Variants in ZFAND3 observed in about 807,000 individuals in gnomAD.
The protein encoded by ZFAND3 is zinc finger AN1-type containing 3.
Under a neutral mutation model 29.6 loss-of-function variants are expected in ZFAND3, and 10 were observed. The ratio of observed to expected loss-of-function variants is 0.34; its 90% confidence interval spans 0.21 to 0.57. The LOEUF is 0.57. Ranked by LOEUF, ZFAND3 falls within the 20% of genes least tolerant of loss-of-function variation. The pLI, the probability that ZFAND3 is intolerant of heterozygous loss-of-function variation, is 0.86. For missense variants in ZFAND3, 230 were observed against 304.5 expected, an observed-to-expected ratio of 0.76 and a Z score of 1.82; for synonymous variants, 128 against 112.6, an observed-to-expected ratio of 1.14 and a Z score of -0.87.
intron 2 of ZFAND3, among the ~76,000 whole-genome samples, chr6:37,992,688 A>T (rs996676673): frequency 6.6e-6 from 1 of 152,202 alleles, no homozygotes; most frequent in Non-Finnish European, 1.5e-5. Flanking sequence ...ATACAGCCCC[A>T]TTCAAATCTC....
At position 38,116,678 on chromosome 6, in the gene ZFAND3, G is replaced by C; in HGVS notation, c.468G>C (p.Arg156=). The C allele has an allele frequency of 6.2e-7, 1 of 1,614,172 alleles. No individual in the cohort carries two copies. The highest frequency in any genetic ancestry group is 8.5e-7 in the Non-Finnish European group (1 of 1,180,010). ...TSRSKQKSRR[R]CFQCQTKLEL... ...GATCTAAACAGAAGAGTCGACGTCG[G>C]TGCTTCCAGTGCCAAACCAAACTGG... Residue 156 remains arginine (R), a synonymous_variant, in exon 5 of 6, where the codon CGG becomes CGC. Coordinates refer to ENST00000287218, the MANE Select transcript of ZFAND3 (RefSeq NM_021943.3).
intron 2 of ZFAND3, among the ~76,000 whole-genome samples, chr6:38,035,771 T>A (rs928280074): frequency 6.6e-6 from 1 of 152,206 alleles, no homozygotes; most frequent in South Asian, 2.1e-4. Flanking sequence ...AGAAATTGTT[T>A]AGGGTGGGAA....
chr6:38,148,949 C>G (rs1049777109), intron 5 of ZFAND3, among the ~76,000 whole-genome samples: 1 of 152,192 alleles, frequency 6.6e-6, no homozygotes, highest in African/African-American at 2.4e-5. Context: ...AGTTAGCCCT[C>G]CAGAGTTTCC....
At chr6:38,111,316 C>T (rs151097849) in intron 4 of ZFAND3, among the ~76,000 whole-genome samples, 1 of 152,274 alleles carries the variant, frequency 6.6e-6, no homozygotes, top group African/African-American at 2.4e-5. Context: ...TTGTGTCGTA[C>T]TGAACATGTA....
chr6:37,968,707 C>T (rs891134397), intron 2 of ZFAND3, among the ~76,000 whole-genome samples: 5 of 152,146 alleles, frequency 3.3e-5, no homozygotes, highest in Admixed American at 2.6e-4. Context: ...TTCCCCCTTC[C>T]GCCTTCCCGC....
intron 5 of ZFAND3, among the ~76,000 whole-genome samples, chr6:38,119,604 G>A (rs1279626685): frequency 6.6e-6 from 1 of 152,238 alleles, no homozygotes; most frequent in Non-Finnish European, 1.5e-5. Flanking sequence ...AGGAAGAACA[G>A]AGGATGTCAT....
intron 2 of ZFAND3, among the ~76,000 whole-genome samples, chr6:37,969,943 C>T (rs996423364): frequency 5.3e-5 from 8 of 152,030 alleles, no homozygotes; most frequent in African/African-American, 7.2e-5. Flanking sequence ...TCAGGCCGGG[C>T]GCCAGTGACC....
chr6:38,022,428 T>C (rs1763369887), intron 2 of ZFAND3, among the ~76,000 whole-genome samples: 1 of 152,234 alleles, frequency 6.6e-6, no homozygotes, highest in South Asian at 2.1e-4. Context: ...GGAGACACTG[T>C]TTTAAAATGC....
At chr6:37,912,026 TTATCTGTGTG>T (rs1191074512) in intron 1 of ZFAND3, among the ~76,000 whole-genome samples, 1 of 113,652 alleles carries the variant, frequency 8.8e-6, no homozygotes, top group Non-Finnish European at 1.8e-5. Context: ...TGCCAGTCTT[TTATCTGTGTG>T]TGTGTGTGTG....
chr6:38,032,580 G>C (rs967197981), intron 2 of ZFAND3, among the ~76,000 whole-genome samples: 2 of 152,142 alleles, frequency 1.3e-5, no homozygotes, highest in African/African-American at 4.8e-5. Context: ...AAGAACTCTT[G>C]GGAAAGGTAG....
At chr6:37,908,761 G>C (rs377653951) in intron 1 of ZFAND3, among the ~76,000 whole-genome samples, 23 of 130,706 alleles carry the variant, frequency 1.8e-4, no homozygotes, top group Non-Finnish European at 3.2e-4. Context: ...AAAAAAAAAA[G>C]AAAAGTTTGA....
intron 2 of ZFAND3, among the ~76,000 whole-genome samples, chr6:37,985,471 A>G (rs1468452011): frequency 1.3e-5 from 2 of 150,216 alleles, no homozygotes; most frequent in African/African-American, 2.5e-5. Context: ...ACACACACAC[A>G]TGCGCCTGGT....
chr6:38,061,651 A>T lies in ZFAND3; in HGVS notation c.171A>T (p.Ser57=). 6.2e-7 allele frequency: 1 copy of T among 1,614,238 alleles called. No homozygotes were observed. Among genetic ancestry groups the T allele is most frequent in the Non-Finnish European group, 8.5e-7 (1 of 1,180,026 alleles). ...CTCCAAGTACAAGTAACAGCCAATC[A>T]GATTTGTTTTCCGAAGAGACCACCA... ...DSAPSTSNSQ[S]DLFSEETTSD... Residue 57 remains serine (S), a synonymous_variant, in exon 3 of 6, where the codon TCA becomes TCT. Coordinates refer to ENST00000287218, the MANE Select transcript of ZFAND3 (RefSeq NM_021943.3).
At chr6:37,987,827 T>C (rs1046229642) in intron 2 of ZFAND3, among the ~76,000 whole-genome samples, 2 of 152,244 alleles carry the variant, frequency 1.3e-5, no homozygotes, top group African/African-American at 2.4e-5. Context: ...GGTCATGGTT[T>C]GTTTGGTCTC....
intron 3 of ZFAND3, among the ~76,000 whole-genome samples, chr6:38,079,611 T>C (rs1186781395): frequency 1.3e-5 from 2 of 152,194 alleles, no homozygotes; most frequent in Non-Finnish European, 2.9e-5. Context: ...TCTTATATAA[T>C]TCTACTGGAT....
At chr6:37,840,945 AT>A (rs1764062312) in intron 1 of ZFAND3, among the ~76,000 whole-genome samples, 1 of 152,188 alleles carries the variant, frequency 6.6e-6, no homozygotes, top group African/African-American at 2.4e-5. Flanking sequence ...CAAGGAACCA[AT>A]TTATTAAAAT....
At chr6:37,948,778 C>G (rs1406476800) in intron 2 of ZFAND3, among the ~76,000 whole-genome samples, 1 of 152,196 alleles carries the variant, frequency 6.6e-6, no homozygotes, top group Non-Finnish European at 1.5e-5. Flanking sequence ...CTGCAGAGGA[C>G]ATGATCTTGT....
In ZFAND3 at chr6:37,855,506, A is replaced by G. The variant is rs138534978; in HGVS notation, c.71+35490A>G. ...TCAGGGCAACACCTCCCCGCCCCATATTCTTTGGCAGAGGTTTGAACCCCA... is the reference window on the plus strand; with the variant it reads ...TCAGGGCAACACCTCCCCGCCCCATGTTCTTTGGCAGAGGTTTGAACCCCA... On this transcript the variant is annotated intron_variant, in intron 1 of 5. Coordinates refer to ENST00000287218, the MANE Select transcript of ZFAND3 (RefSeq NM_021943.3). 1.6e-4 allele frequency among the ~76,000 whole-genome samples: 24 copies of G among 152,132 alleles called. No individual in the cohort carries two copies. The East Asian group carries it at 2.3e-3, about 15-fold the overall frequency.
chr6:38,107,677 C>CA (rs1259157031), intron 4 of ZFAND3, among the ~76,000 whole-genome samples: 1 of 152,028 alleles, frequency 6.6e-6, no homozygotes, highest in Non-Finnish European at 1.5e-5. Context: ...ACTAAAAATA[C>CA]AAAAAATTAG....
Sources: gnomAD v4.1 joint callset for allele counts (sites outside exome capture counted in the v4.1 genomes callset) on GRCh38, gnomAD v4.1.1 for gene constraint, MANE v1.5 for transcripts, NCBI Gene and HGNC (gene_info 2026-07-23, HGNC 2026-07-21) for gene names.